The following PRKCA variants were observed in gnomAD, a reference collection of about 807,000 sequenced individuals.
PRKCA encodes protein kinase C alpha type.
A neutral mutation model predicts 87.0 loss-of-function variants in PRKCA; 27 were observed. The observed-to-expected ratio is 0.31, with a 90% CI of 0.23 to 0.43. The LOEUF is 0.43. Among genes scored for constraint, PRKCA ranks in the 20% least tolerant of loss-of-function variants. The probability of loss-of-function intolerance (pLI) is 1.00; values close to 1 mark genes in which losing one functional copy is unlikely to be tolerated. For missense variants in PRKCA, 518 were observed against 852.3 expected (o/e 0.61, Z 4.88); for synonymous variants, 329 against 311.1 (o/e 1.06, Z -0.61).
chr17:66,682,059 C>G (rs1972509253), intron 5 of PRKCA, among the ~76,000 whole-genome samples: 1 of 152,226 alleles, frequency 6.6e-6, no homozygotes, highest in South Asian at 2.1e-4. Flanking sequence ...GTCCTGCGAG[C>G]TGAGGAGCAG....
chr17:66,634,446 A>T (rs1971101033), intron 3 of PRKCA, among the ~76,000 whole-genome samples: 2 of 152,356 alleles, frequency 1.3e-5, no homozygotes, highest in Admixed American at 1.3e-4. Flanking sequence ...AAGGAAGACT[A>T]ATATGTATTT....
At chr17:66,503,471 G>C (rs1283950071) in intron 3 of PRKCA, among the ~76,000 whole-genome samples, 1 of 152,164 alleles carries the variant, frequency 6.6e-6, no homozygotes, top group Non-Finnish European at 1.5e-5. Flanking sequence ...GCTTGCTTCA[G>C]ACCTGGGTAC....
chr17:66,408,328 A>T (rs1479356968), intron 2 of PRKCA, among the ~76,000 whole-genome samples: 1 of 152,240 alleles, frequency 6.6e-6, no homozygotes, highest in Non-Finnish European at 1.5e-5. Context: ...ACTGTTAATT[A>T]ATTAGTACCT....
intron 2 of PRKCA, among the ~76,000 whole-genome samples, chr17:66,392,341 A>G (rs1329599111): frequency 6.6e-6 from 1 of 152,162 alleles, no homozygotes; most frequent in East Asian, 1.9e-4. Context: ...GGTTTCTTTG[A>G]GAAGGTAACA....
chr17:66,522,547 C>T (rs1160728846), intron 3 of PRKCA, among the ~76,000 whole-genome samples: 4 of 152,062 alleles, frequency 2.6e-5, no homozygotes, highest in Non-Finnish European at 5.9e-5. Flanking sequence ...AGTCCAGCGC[C>T]AGGTGCCGTG....
chr17:66,589,667 G>A (rs1969735875), intron 3 of PRKCA, among the ~76,000 whole-genome samples: 1 of 152,160 alleles, frequency 6.6e-6, no homozygotes, highest in Non-Finnish European at 1.5e-5. Flanking sequence ...AGCATAATGG[G>A]GAGGGGCAGT....
intron 3 of PRKCA, among the ~76,000 whole-genome samples, chr17:66,559,206 C>T (rs1452260718): frequency 6.6e-6 from 1 of 152,034 alleles, no homozygotes; most frequent in Admixed American, 6.5e-5. Flanking sequence ...GGCACGGTGG[C>T]TCATGCCTGT....
chr17:66,547,365 C>G (rs72843696), intron 3 of PRKCA, among the ~76,000 whole-genome samples: 1 of 152,082 alleles, frequency 6.6e-6, no homozygotes, highest in Non-Finnish European at 1.5e-5. Context: ...GGTCCTGTTA[C>G]GTTTTACTGG....
In PRKCA at chr17:66,356,309, T is replaced by C. The variant is rs1405852616; in HGVS notation, c.205+50182T>C. On this transcript the variant is annotated intron_variant, in intron 2 of 16. Coordinates refer to ENST00000413366, the MANE Select transcript of PRKCA (RefSeq NM_002737.3). The stretch of plus-strand genomic sequence containing the variant: ...TTTCTTGATTTTCTTTATCATCCAC[T>C]TTTTTAAAAGACACCAACATTATTT... Among the ~76,000 whole-genome samples, 3 of 139,080 alleles carry C rather than the reference T, an allele frequency of 2.2e-5. No individual in the cohort carries two copies. In the East Asian group the frequency reaches 5.8e-4, roughly 27 times the overall value. 91.2% of individuals were successfully genotyped at this position (139,080 alleles called of 152,430 possible).
intron 5 of PRKCA, among the ~76,000 whole-genome samples, chr17:66,665,772 C>T (rs16959907): frequency 0.045 from 6,915 of 152,210 alleles, 189 homozygotes; most frequent in East Asian, 0.14. Flanking sequence ...CCTAGCCTTG[C>T]GGTATGTTAG....
chr17:66,758,418 A>G (rs1207749474), intron 13 of PRKCA, among the ~76,000 whole-genome samples: 2 of 152,222 alleles, frequency 1.3e-5, no homozygotes, highest in Non-Finnish European at 2.9e-5. Context: ...ATCCTGAAGC[A>G]TACAGGTCCT....
intron 14 of PRKCA, chr17:66,774,375 C>A: frequency 8.7e-7 from 1 of 1,153,194 alleles, no homozygotes; most frequent in Non-Finnish European, 1.1e-6. Flanking sequence ...AATCCCAGCA[C>A]TTTCAGAAGC....
intron 2 of PRKCA, among the ~76,000 whole-genome samples, chr17:66,455,643 G>A (rs1914547278): frequency 6.6e-6 from 1 of 152,170 alleles, no homozygotes; most frequent in African/African-American, 2.4e-5. Flanking sequence ...AGGCCCTGCT[G>A]TGACATTTTG....
At chr17:66,316,993 T>C (rs893099442) in intron 2 of PRKCA, among the ~76,000 whole-genome samples, 2 of 151,878 alleles carry the variant, frequency 1.3e-5, no homozygotes, top group African/African-American at 4.8e-5. Context: ...ATACAAAAAA[T>C]TAGCTGGGCG....
At chr17:66,713,641 A>G (rs1375709581) in intron 8 of PRKCA, among the ~76,000 whole-genome samples, 1 of 152,192 alleles carries the variant, frequency 6.6e-6, no homozygotes, top group African/African-American at 2.4e-5. Context: ...TGTCACCCGC[A>G]TGTTGGAAAT....
chr17:66,484,434 G>A (rs980673876), intron 2 of PRKCA, among the ~76,000 whole-genome samples: 2 of 152,144 alleles, frequency 1.3e-5, no homozygotes, highest in Non-Finnish European at 2.9e-5. Context: ...TATTGAGAAA[G>A]GTGATTGTTG....
intron 3 of PRKCA, among the ~76,000 whole-genome samples, chr17:66,531,675 T>TAAGG (rs1173337356): frequency 1.3e-5 from 2 of 152,216 alleles, no homozygotes; most frequent in Non-Finnish European, 2.9e-5. Context: ...CTGTCACTGC[T>TAAGG]GTCTCCCTTC....
intron 2 of PRKCA, among the ~76,000 whole-genome samples, chr17:66,362,637 T>G (rs1908454533): frequency 6.6e-6 from 1 of 152,076 alleles, no homozygotes; most frequent in Non-Finnish European, 1.5e-5. Context: ...GAAATGTATT[T>G]TTTCTGTCTC....
intron 2 of PRKCA, among the ~76,000 whole-genome samples, chr17:66,493,151 G>A (rs1026847915): frequency 6.6e-6 from 1 of 152,012 alleles, no homozygotes. Flanking sequence ...TTTAAAATGT[G>A]TATTTTTACA....
Sources: allele counts gnomAD v4.1 joint callset (sites outside exome capture counted in the v4.1 genomes callset), GRCh38; gene constraint gnomAD v4.1.1; transcripts MANE v1.5; gene names NCBI Gene and HGNC (gene_info 2026-07-23, HGNC 2026-07-21).